Variants in STPG2 observed in about 807,000 individuals in gnomAD.
The protein encoded by STPG2 is sperm tail PG-rich repeat containing 2, also known as sperm-tail PG-rich repeat-containing protein 2.
STPG2 carries 56 observed loss-of-function variants against 54.2 expected under a neutral mutation model. The ratio of observed to expected loss-of-function variants is 1.03; its 90% CI spans 0.83 to 1.29. The LOEUF is 1.29. STPG2 is among the 50% of genes most tolerant of loss of function. STPG2 has a pLI of 0.00. For missense variants in STPG2, 596 were observed against 544.9 expected (o/e 1.09, Z -0.93); for synonymous variants, 200 against 181.8 (o/e 1.10, Z -0.81).
chr4:97,919,358 ATAT>A, intron 8 of STPG2, among the ~76,000 whole-genome samples: 1 of 151,690 alleles, frequency 6.6e-6, no homozygotes, highest in Admixed American at 6.5e-5. Flanking sequence ...GAAATTAAAT[ATAT>A]AATAGAGAAT....
At chr4:97,986,123 T>C (rs914133750) in intron 5 of STPG2, among the ~76,000 whole-genome samples, 1 of 152,200 alleles carries the variant, frequency 6.6e-6, no homozygotes, top group Admixed American at 6.6e-5. Context: ...ATCATGTTAA[T>C]TTTATCTCCA....
chr4:97,532,767 A>C (rs561840180), intron 4 of STPG2, among the ~76,000 whole-genome samples: 1 of 152,352 alleles, frequency 6.6e-6, no homozygotes, highest in African/African-American at 2.4e-5. Context: ...AATGGATAAG[A>C]AAGCAGATTC....
intron 4 of STPG2, among the ~76,000 whole-genome samples, chr4:97,539,540 A>C (rs963166048): frequency 2.0e-5 from 3 of 152,212 alleles, no homozygotes; most frequent in African/African-American, 7.2e-5. Context: ...CAGATTCATA[A>C]AGCAAGTCCT....
At chr4:97,607,217 CA>C (rs1307151863) in intron 10 of STPG2, among the ~76,000 whole-genome samples, 2 of 152,020 alleles carry the variant, frequency 1.3e-5, no homozygotes, top group African/African-American at 2.4e-5. Flanking sequence ...GCTGCTGCTA[CA>C]GAATCCAATG....
At chr4:97,767,609 T>C (rs1332629805) in intron 9 of STPG2, among the ~76,000 whole-genome samples, 2 of 152,192 alleles carry the variant, frequency 1.3e-5, no homozygotes, top group Admixed American at 6.5e-5. Context: ...ATTCATAAAA[T>C]TGCAATTTTG....
At chr4:97,843,546 T>C (rs901581978) in intron 8 of STPG2, among the ~76,000 whole-genome samples, 7 of 151,918 alleles carry the variant, frequency 4.6e-5, no homozygotes, top group Admixed American at 2.6e-4. Context: ...CTTTATTGGG[T>C]ATAGGACTTA....
At chr4:98,097,836 TGAA>T (rs1738906915) in intron 5 of STPG2, among the ~76,000 whole-genome samples, 1 of 151,976 alleles carries the variant, frequency 6.6e-6, no homozygotes, top group Admixed American at 6.6e-5. Flanking sequence ...GTGAACAATC[TGAA>T]GAAGAAATCA....
intron 5 of STPG2, among the ~76,000 whole-genome samples, chr4:97,982,548 C>T (rs1377472020): frequency 1.3e-5 from 2 of 152,136 alleles, no homozygotes; most frequent in African/African-American, 2.4e-5. Context: ...TGATCTAATG[C>T]TTTCATGTAA....
At chr4:97,589,386 A>T (rs1038529653) in intron 10 of STPG2, among the ~76,000 whole-genome samples, 1 of 152,126 alleles carries the variant, frequency 6.6e-6, no homozygotes, top group Admixed American at 6.6e-5. Context: ...GAATTAAAAA[A>T]TATATAAATA....
At chr4:97,766,333 T>A (rs1266116418) in intron 9 of STPG2, among the ~76,000 whole-genome samples, 1 of 152,128 alleles carries the variant, frequency 6.6e-6, no homozygotes, top group Non-Finnish European at 1.5e-5. Flanking sequence ...TCAGACTGGA[T>A]GTGGCAATCA....
intron 8 of STPG2, among the ~76,000 whole-genome samples, chr4:97,915,004 G>A (rs1428790480): frequency 6.6e-6 from 1 of 152,030 alleles, no homozygotes; most frequent in Non-Finnish European, 1.5e-5. Context: ...CCTTTTTAAG[G>A]CTGAATAATA....
intron 10 of STPG2, among the ~76,000 whole-genome samples, chr4:97,607,250 CTG>C (rs1424306094): frequency 6.8e-6 from 1 of 147,194 alleles, no homozygotes; most frequent in Non-Finnish European, 1.5e-5. Context: ...TTTATCTCAG[CTG>C]TGTTTCCTCT....
At chr4:97,561,528 T>A (rs953192160) in intron 10 of STPG2, among the ~76,000 whole-genome samples, 3 of 152,234 alleles carry the variant, frequency 2.0e-5, no homozygotes, top group Non-Finnish European at 4.4e-5. Context: ...TGCCCATGCC[T>A]ATGTCCTGAA....
At chr4:97,802,130 A>T (rs1727419352) in intron 9 of STPG2, among the ~76,000 whole-genome samples, 2 of 152,136 alleles carry the variant, frequency 1.3e-5, no homozygotes, top group Non-Finnish European at 2.9e-5. Context: ...CACTTTGAGA[A>T]ACACTGTTTT....
chr4:98,095,316 T>C (rs781116400), intron 5 of STPG2, among the ~76,000 whole-genome samples: 6 of 152,210 alleles, frequency 3.9e-5, no homozygotes, highest in Non-Finnish European at 8.8e-5. Flanking sequence ...CGTCAGTCCT[T>C]ACTTATCAAT....
intron 10 of STPG2, among the ~76,000 whole-genome samples, chr4:97,694,385 C>T (rs1203188280): frequency 1.3e-5 from 2 of 151,766 alleles, no homozygotes; most frequent in African/African-American, 2.4e-5. Context: ...CTGCTATGAA[C>T]AACTTTACAT....
chr4:97,908,498 A>G (rs1210291201), intron 8 of STPG2, among the ~76,000 whole-genome samples: 14 of 151,562 alleles, frequency 9.2e-5, no homozygotes, highest in Admixed American at 1.3e-4. Flanking sequence ...CATTTGACCC[A>G]GCCATCCCAT....
At chr4:97,815,302 A>G (rs907420819) in intron 9 of STPG2, among the ~76,000 whole-genome samples, 1 of 152,092 alleles carries the variant, frequency 6.6e-6, no homozygotes, top group South Asian at 2.1e-4. Context: ...AAGGCTTGGG[A>G]CTGAAAATGT....
chr4:97,632,958 G>A (rs554075616), intron 10 of STPG2, among the ~76,000 whole-genome samples: 130 of 152,206 alleles, frequency 8.5e-4, no homozygotes, highest in African/African-American at 3.1e-3. Flanking sequence ...GAAGGGGGAT[G>A]GAAAGATGGT....
Sources: gnomAD v4.1 joint callset for allele counts (sites outside exome capture counted in the v4.1 genomes callset) on GRCh38, gnomAD v4.1.1 for gene constraint, MANE v1.5 for transcripts, NCBI Gene and HGNC (gene_info 2026-07-23, HGNC 2026-07-21) for gene names.